PIP4K2A: variants seen among roughly 807,000 people sequenced by gnomAD.
PIP4K2A encodes phosphatidylinositol 5-phosphate 4-kinase type-2 alpha.
Under a neutral mutation model 42.9 loss-of-function variants are expected in PIP4K2A, and 14 were observed. The ratio of observed to expected loss-of-function variants is 0.33; its 90% CI spans 0.22 to 0.51. The LOEUF is 0.51. PIP4K2A is among the 20% of genes least tolerant of loss of function. The pLI is 0.97. For synonymous variants in PIP4K2A, 192 were observed against 192.2 expected, an observed-to-expected ratio of 1.00 and a Z score of 0.01; for missense variants, 434 against 519.8, an observed-to-expected ratio of 0.83 and a Z score of 1.61.
At chr10:22,670,476 T>G (rs1348923382) in intron 1 of PIP4K2A, among the ~76,000 whole-genome samples, 1 of 152,196 alleles carries the variant, frequency 6.6e-6, no homozygotes, top group Admixed American at 6.5e-5. Flanking sequence ...GGGTGTTCAC[T>G]ACAAAGACAG....
At chr10:22,547,564 C>T (rs1460401657) in intron 7 of PIP4K2A, among the ~76,000 whole-genome samples, 1 of 152,132 alleles carries the variant, frequency 6.6e-6, no homozygotes, top group Admixed American at 6.5e-5. Flanking sequence ...GCCACCCATC[C>T]CACTACTCCC....
chr10:22,652,104 C>CT (rs1839007419), intron 1 of PIP4K2A, among the ~76,000 whole-genome samples: 2 of 150,538 alleles, frequency 1.3e-5, no homozygotes, highest in African/African-American at 2.4e-5. Context: ...CATGAAATAA[C>CT]TGAAAAACTG....
intron 8 of PIP4K2A, 53 bp from the exon 9 acceptor site, chr10:22,540,127 GCATTGCTGC>G: frequency 1.2e-6 from 1 of 813,920 alleles, no homozygotes; most frequent in South Asian, 1.3e-5. Flanking sequence ...ACCAGTGCCA[GCATTGCTGC>G]TGAGGGAGGG....
chr10:22,608,074 G>T (rs1588660243), intron 2 of PIP4K2A, 51 bp from the exon 3 acceptor site: 1 of 1,200,072 alleles, frequency 8.3e-7, no homozygotes, highest in East Asian at 2.4e-5. Flanking sequence ...AATCAGACTT[G>T]CATCTGCCAC....
chr10:22,651,874 T>G (rs1439049321), intron 1 of PIP4K2A, among the ~76,000 whole-genome samples: 1 of 152,146 alleles, frequency 6.6e-6, no homozygotes, highest in Non-Finnish European at 1.5e-5. Context: ...TTTCTCAGAT[T>G]TCCTTGCTAC....
intron 1 of PIP4K2A, among the ~76,000 whole-genome samples, chr10:22,677,887 C>T (rs1304622130): frequency 2.0e-5 from 3 of 152,118 alleles, no homozygotes; most frequent in African/African-American, 7.2e-5. Context: ...CGGAGATTTG[C>T]TAAAGGGAGG....
chr10:22,679,023 G>C (rs1425970158), intron 1 of PIP4K2A, among the ~76,000 whole-genome samples: 3 of 152,204 alleles, frequency 2.0e-5, no homozygotes, highest in African/African-American at 7.2e-5. Flanking sequence ...TTTGTGACTT[G>C]TGTTAGGCAA....
intron 1 of PIP4K2A, among the ~76,000 whole-genome samples, chr10:22,636,758 C>T (rs1295739508): frequency 6.6e-6 from 1 of 152,222 alleles, no homozygotes; most frequent in East Asian, 1.9e-4. Flanking sequence ...AATCACACTC[C>T]TAGGTGTTCA....
chr10:22,642,940 T>C (rs1838810763), intron 1 of PIP4K2A, among the ~76,000 whole-genome samples: 1 of 152,244 alleles, frequency 6.6e-6, no homozygotes, highest in South Asian at 2.1e-4. Flanking sequence ...CTCTTTCCTC[T>C]AGTCTGTCTG....
intron 4 of PIP4K2A, among the ~76,000 whole-genome samples, chr10:22,583,402 G>A (rs1453941040): frequency 3.9e-5 from 6 of 152,096 alleles, no homozygotes; most frequent in Non-Finnish European, 8.8e-5. Flanking sequence ...GCCTGGGGCT[G>A]GGGGGGAGCT....
rs574096292 is a variant in PIP4K2A, at chr10:22,592,489, G to A, written c.340-708C>T. 4.6e-5 allele frequency among the ~76,000 whole-genome samples: 7 copies of A among 152,306 alleles called. No individual in the cohort carries two copies. In the East Asian group the frequency reaches 1.2e-3, roughly 25 times the overall value. ...CTTCTAAAACAGCTCCTCCTTAGGC[G>A]ATTTGAATTTGGTCCATCCTCCACT... On this transcript the variant is annotated intron_variant, in intron 3 of 9. Coordinates refer to ENST00000376573, the MANE Select transcript of PIP4K2A (RefSeq NM_005028.5).
chr10:22,662,424 T>C (rs995946329), intron 1 of PIP4K2A, among the ~76,000 whole-genome samples: 6 of 152,254 alleles, frequency 3.9e-5, no homozygotes, highest in African/African-American at 1.4e-4. Context: ...TGAAGATTTC[T>C]GAAATGTTGT....
rs1264184058 is a variant in PIP4K2A, at chr10:22,537,030, G to T, written c.*171C>A. 1 of 600,114 alleles carries T rather than the reference G, an allele frequency of 1.7e-6. No homozygotes were observed. The highest frequency in any genetic ancestry group is 3.0e-6 in the Non-Finnish European group (1 of 335,144). The allele number at this position is 600,114 out of a possible 1,614,324, so 37.2% of individuals were successfully genotyped here. A position where few individuals can be genotyped will look rare whatever the true frequency, so the allele number is the denominator to read the frequency against. On this transcript the variant is annotated 3_prime_UTR_variant, in exon 10 of 10. Transcript: ENST00000376573. ...GCTAGAACGATGCTGGGAAAATCAG[G>T]TAGCTGTAAAGCGAGTAGCCCCCAA...
At chr10:22,648,961 T>C (rs1242972813) in intron 1 of PIP4K2A, among the ~76,000 whole-genome samples, 1 of 152,196 alleles carries the variant, frequency 6.6e-6, no homozygotes, top group African/African-American at 2.4e-5. Context: ...TATCATACTT[T>C]CAAGAATTAA....
At chr10:22,637,528 TA>T (rs1838692641) in intron 1 of PIP4K2A, among the ~76,000 whole-genome samples, 1 of 152,196 alleles carries the variant, frequency 6.6e-6, no homozygotes, top group Non-Finnish European at 1.5e-5. Flanking sequence ...ATCCAGACTC[TA>T]TTCATAGATT....
intron 1 of PIP4K2A, among the ~76,000 whole-genome samples, chr10:22,711,439 A>G (rs1833909256): frequency 6.6e-6 from 1 of 152,242 alleles, no homozygotes. Context: ...GAAGGTTATA[A>G]TAGTAAGACA....
At chr10:22,546,869 A>G (rs185401228) in intron 7 of PIP4K2A, among the ~76,000 whole-genome samples, 3 of 152,332 alleles carry the variant, frequency 2.0e-5, no homozygotes, top group East Asian at 1.9e-4. Flanking sequence ...GCAGGAAAAC[A>G]GTATATATTT....
chr10:22,678,175 C>T (rs1237217972), intron 1 of PIP4K2A, among the ~76,000 whole-genome samples: 1 of 151,838 alleles, frequency 6.6e-6, no homozygotes, highest in South Asian at 2.1e-4. Context: ...CAATTGTCTT[C>T]TCAGTGTTAC....
At chr10:22,549,651 C>T (rs1836348783) in intron 7 of PIP4K2A, among the ~76,000 whole-genome samples, 1 of 151,616 alleles carries the variant, frequency 6.6e-6, no homozygotes, top group Non-Finnish European at 1.5e-5. Flanking sequence ...ATCATCCTGG[C>T]TAACACGGTG....
Sources: gnomAD v4.1 joint callset for allele counts (sites outside exome capture counted in the v4.1 genomes callset) on GRCh38, gnomAD v4.1.1 for gene constraint, MANE v1.5 for transcripts, NCBI Gene and HGNC (gene_info 2026-07-23, HGNC 2026-07-21) for gene names.